Variants in GPR39 observed in about 807,000 individuals in gnomAD.
GPR39 encodes G protein-coupled receptor 39.
Under a neutral mutation model 18.4 loss-of-function variants are expected in GPR39, and 23 were observed. The observed-to-expected ratio is 1.25, with a 90% CI of 0.90 to 1.77. The LOEUF is 1.77. GPR39 is among the 40% of genes most tolerant of loss of function. The pLI, the probability that GPR39 is intolerant of heterozygous loss-of-function variation, is 0.00. For synonymous variants in GPR39, 280 were observed against 257.9 expected (o/e 1.09, Z -0.82); for missense variants, 647 against 602.4 (o/e 1.07, Z -0.78).
rs113880883 is a variant in GPR39 at position 132,445,167 on chromosome 2, G to A, written c.856+27269G>A. ...GTTACATGTTAACTTACTCGTACAT[G>A]TAAACTACTGCATTGTTCCAATCAG... On this transcript the variant is annotated intron_variant, in intron 1 of 1. Coordinates refer to ENST00000329321, the MANE Select transcript of GPR39 (RefSeq NM_001508.3). Among the ~76,000 whole-genome samples the A allele has an allele frequency of 2.3e-5, 3 of 129,668 alleles. No individual in the cohort carries two copies. In the East Asian group the frequency reaches 6.0e-4, roughly 26 times the overall value. 85.1% of individuals were successfully genotyped at this position (129,668 alleles called of 152,430 possible). A position where few individuals can be genotyped will look rare whatever the true frequency, so the allele number is the denominator to read the frequency against.
Position 132,502,121 on chromosome 2 carries a change from A to G in GPR39, c.856+84223A>G, listed in dbSNP as rs899138617. On this transcript the variant is annotated intron_variant, in intron 1 of 1. Coordinates refer to ENST00000329321, the MANE Select transcript of GPR39 (RefSeq NM_001508.3). ...GAGGTACTATTCTATTCATCGTGCT[A>G]TTTGTTGCCTGAATACCTTATTTTT... Among the ~76,000 whole-genome samples, 3 of 152,070 alleles carry G rather than the reference A, an allele frequency of 2.0e-5. No homozygotes were observed. In the East Asian group the frequency reaches 5.8e-4, roughly 29 times the overall value.
intron 1 of GPR39, among the ~76,000 whole-genome samples, chr2:132,462,564 A>G (rs1417525891): frequency 6.6e-6 from 1 of 152,196 alleles, no homozygotes; most frequent in Non-Finnish European, 1.5e-5. Flanking sequence ...CTTACACCAC[A>G]ATGACAAGAA....
chr2:132,645,026 G>T, intron 1 of GPR39, 75 bp from the exon 2 acceptor site: 1 of 1,500,036 alleles, frequency 6.7e-7, no homozygotes, highest in Non-Finnish European at 9.0e-7. Flanking sequence ...ATATTTTATG[G>T]TTTTATTCAT....
chr2:132,468,339 A>T (rs978157039), intron 1 of GPR39, among the ~76,000 whole-genome samples: 8 of 152,220 alleles, frequency 5.3e-5, no homozygotes, highest in African/African-American at 1.9e-4. Context: ...AAGAAGGATG[A>T]GATTAACTGC....
At chr2:132,623,037 G>A (rs4443049) in intron 1 of GPR39, among the ~76,000 whole-genome samples, 76,856 of 151,992 alleles carry the variant, frequency 0.51, 20,004 homozygotes, top group African/African-American at 0.63. Flanking sequence ...ACTTGAACTC[G>A]GGAGGCAGAG....
chr2:132,541,678 C>T lies in GPR39; in HGVS notation c.857-103423C>T, dbSNP rs957527877. Among the ~76,000 whole-genome samples the T allele has an allele frequency of 5.3e-5, 8 of 152,124 alleles. No individual in the cohort carries two copies. In the East Asian group the frequency reaches 1.5e-3, roughly 29 times the overall value. ...TGGTGGGGTGCGGGCAGAAGGCTTG[C>T]ACTTTCTGCCTCATTGATTGCCACG... is the stretch of plus-strand genomic sequence containing the variant. On this transcript the variant is annotated intron_variant, in intron 1 of 1. Coordinates refer to ENST00000329321, the MANE Select transcript of GPR39 (RefSeq NM_001508.3).
intron 1 of GPR39, among the ~76,000 whole-genome samples, chr2:132,530,010 T>C (rs981426499): frequency 5.3e-5 from 8 of 152,144 alleles, no homozygotes; most frequent in Non-Finnish European, 1.0e-4. Flanking sequence ...GGAGAATGAC[T>C]TTGACGAGTT....
intron 1 of GPR39, among the ~76,000 whole-genome samples, chr2:132,498,841 T>G (rs1681697830): frequency 6.6e-6 from 1 of 152,214 alleles, no homozygotes; most frequent in Non-Finnish European, 1.5e-5. Flanking sequence ...TTCCACATAC[T>G]TAATGGCCAT....
At position 132,492,146 on chromosome 2, in the gene GPR39, TAC is replaced by T. The variant is rs1196407604; in HGVS notation, c.856+74251_856+74252del. ...CACATATATATACATACCATATATA[TAC>T]ACCACATAAATATATACACACCATA... On this transcript the variant is annotated intron_variant, in intron 1 of 1. Transcript: ENST00000329321. Among the ~76,000 whole-genome samples, 5 of 147,926 alleles carry T rather than the reference TAC, an allele frequency of 3.4e-5. No homozygotes were observed. In the East Asian group the frequency reaches 9.9e-4, roughly 29 times the overall value.
At chr2:132,485,266 C>T (rs1681309556) in intron 1 of GPR39, among the ~76,000 whole-genome samples, 1 of 152,156 alleles carries the variant, frequency 6.6e-6, no homozygotes, top group African/African-American at 2.4e-5. Flanking sequence ...TGCTAATGAT[C>T]ATCTGAGCCA....
chr2:132,452,767 G>A (rs186020693), intron 1 of GPR39, among the ~76,000 whole-genome samples: 3 of 151,914 alleles, frequency 2.0e-5, no homozygotes, highest in East Asian at 1.9e-4. Context: ...GGAGAATGAC[G>A]GTTTCCAGCT....
rs140568839 is a variant in GPR39, at chr2:132,477,482, C to T, written c.856+59584C>T. Among the ~76,000 whole-genome samples the T allele has an allele frequency of 4.7e-4, 72 of 152,218 alleles. 1 individual carries two copies. Among genetic ancestry groups the T allele is most frequent in the African/African-American group, 1.4e-3 (59 of 41,532 alleles). On this transcript the variant is annotated intron_variant, in intron 1 of 1. Coordinates refer to ENST00000329321, the MANE Select transcript of GPR39 (RefSeq NM_001508.3). ...TCGGGAGGCTGAGGTGAGAGGCTCA[C>T]GTGAGTCCATGAGGTCGAGGCTGCA... is the stretch of plus-strand genomic sequence containing the variant.
chr2:132,550,747 C>G (rs896145903), intron 1 of GPR39, among the ~76,000 whole-genome samples: 1 of 152,322 alleles, frequency 6.6e-6, no homozygotes, highest in African/African-American at 2.4e-5. Flanking sequence ...TGATGTTACT[C>G]ATAGCGAGAG....
intron 1 of GPR39, among the ~76,000 whole-genome samples, chr2:132,547,334 G>A (rs1421722206): frequency 1.3e-5 from 2 of 152,174 alleles, no homozygotes; most frequent in Non-Finnish European, 2.9e-5. Flanking sequence ...TGTGAATCAG[G>A]AGCTTGGCGA....
At chr2:132,449,510 G>A (rs1203546143) in intron 1 of GPR39, among the ~76,000 whole-genome samples, 1 of 152,168 alleles carries the variant, frequency 6.6e-6, no homozygotes, top group Non-Finnish European at 1.5e-5. Flanking sequence ...GCCTCCCAAA[G>A]TGCTGGGATT....
chr2:132,446,646 G>C (rs572760216), intron 1 of GPR39, among the ~76,000 whole-genome samples: 1 of 152,270 alleles, frequency 6.6e-6, no homozygotes, highest in South Asian at 2.1e-4. Flanking sequence ...TAAGTTTACA[G>C]GGCAGTAGGA....
chr2:132,582,915 CTTTTTTTTT>C (rs5834320), intron 1 of GPR39, among the ~76,000 whole-genome samples: 13 of 101,600 alleles, frequency 1.3e-4, no homozygotes, highest in African/African-American at 3.9e-4. Flanking sequence ...TTCTTTCTTT[CTTTTTTTTT>C]TTTTTTTTTT....
chr2:132,493,386 A>G (rs1681554853), intron 1 of GPR39, among the ~76,000 whole-genome samples: 1 of 147,172 alleles, frequency 6.8e-6, no homozygotes, highest in Non-Finnish European at 1.5e-5. Context: ...TACACACCGT[A>G]TATATACACA....
At chr2:132,467,645 T>C (rs1260559250) in intron 1 of GPR39, among the ~76,000 whole-genome samples, 1 of 152,178 alleles carries the variant, frequency 6.6e-6, no homozygotes, top group African/African-American at 2.4e-5. Flanking sequence ...AATCTCTCCA[T>C]AGTCAAGTTG....
Sources: gnomAD v4.1 joint callset for allele counts (sites outside exome capture counted in the v4.1 genomes callset) on GRCh38, gnomAD v4.1.1 for gene constraint, MANE v1.5 for transcripts, NCBI Gene and HGNC (gene_info 2026-07-23, HGNC 2026-07-21) for gene names.